The following CDH12 variants were observed in gnomAD, a reference collection of about 807,000 sequenced individuals.
The protein encoded by CDH12 is cadherin-12.
In CDH12, 41 loss-of-function variants were observed where a neutral mutation model predicts 74.1. The ratio of observed to expected loss-of-function variants is 0.55; its 90% CI spans 0.43 to 0.72. The LOEUF (loss-of-function observed/expected upper bound fraction) is 0.72, where lower values mean the gene tolerates loss of function less well. Among genes scored for constraint, CDH12 ranks in the 30% least tolerant of loss-of-function variants. The pLI, the probability that CDH12 is intolerant of heterozygous loss-of-function variation, is 0.00. For synonymous variants in CDH12, 399 were observed against 355.0 expected (o/e 1.12, Z -1.39); for missense variants, 945 against 977.2 (o/e 0.97, Z 0.44).
At position 22,158,404 on chromosome 5, in the gene CDH12, G is replaced by T. The variant is rs77013237; in HGVS notation, c.-187+54094C>A. 1.1e-3 allele frequency among the ~76,000 whole-genome samples: 166 copies of T among 152,110 alleles called. 1 individual carries two copies. In the East Asian group the frequency reaches 0.029, roughly 26 times the overall value. On this transcript the variant is annotated intron_variant, in intron 4 of 14. Coordinates refer to ENST00000382254, the MANE Select transcript of CDH12 (RefSeq NM_004061.5). ...GCACTTATCACAAGTCAGTTGTCTT[G>T]TTAAGTGATGCAGAAGCATTTTCTA...
At chr5:22,526,520 T>C (rs746525607) in intron 1 of CDH12, among the ~76,000 whole-genome samples, 1 of 152,172 alleles carries the variant, frequency 6.6e-6, no homozygotes, top group African/African-American at 2.4e-5. Flanking sequence ...GCCAGATCAA[T>C]AGCTGCATGT....
chr5:22,625,354 AAG>A (rs1305627927), intron 1 of CDH12, among the ~76,000 whole-genome samples: 1 of 152,186 alleles, frequency 6.6e-6, no homozygotes, highest in African/African-American at 2.4e-5. Flanking sequence ...AAAAAAAAGA[AAG>A]AGGCAAGTTG....
chr5:22,648,615 A>G (rs1192124843), intron 1 of CDH12, among the ~76,000 whole-genome samples: 1 of 151,882 alleles, frequency 6.6e-6, no homozygotes, highest in East Asian at 1.9e-4. Flanking sequence ...TAAAACTTAA[A>G]AGTTAAATAT....
intron 1 of CDH12, among the ~76,000 whole-genome samples, chr5:22,715,749 C>A (rs1025328313): frequency 2.0e-5 from 3 of 148,078 alleles, no homozygotes; most frequent in African/African-American, 7.5e-5. Flanking sequence ...TGTAGTGAAC[C>A]AAGATCGCGC....
At chr5:22,320,660 G>T (rs892866925) in intron 3 of CDH12, among the ~76,000 whole-genome samples, 1 of 152,190 alleles carries the variant, frequency 6.6e-6, no homozygotes, top group African/African-American at 2.4e-5. Context: ...ATCAGAAAGA[G>T]ACTTGAGATT....
intron 1 of CDH12, among the ~76,000 whole-genome samples, chr5:22,625,281 T>C (rs1194308017): frequency 1.3e-5 from 2 of 152,018 alleles, no homozygotes; most frequent in East Asian, 3.9e-4. Flanking sequence ...ATTGTGCACA[T>C]GTACCCTAGA....
chr5:22,496,605 G>A (rs527538152), intron 2 of CDH12, among the ~76,000 whole-genome samples: 8 of 151,878 alleles, frequency 5.3e-5, no homozygotes, highest in South Asian at 4.2e-4. Context: ...TTTTGTTTTC[G>A]TAGCTCTCAT....
At chr5:22,425,168 TATAA>T (rs57854464) in intron 2 of CDH12, among the ~76,000 whole-genome samples, 2,631 of 118,486 alleles carry the variant, frequency 0.022, 64 homozygotes, top group East Asian at 0.14. Flanking sequence ...TATATATATA[TATAA>T]ATATATATAT....
At chr5:22,599,442 C>T (rs1284251809) in intron 1 of CDH12, among the ~76,000 whole-genome samples, 2 of 152,088 alleles carry the variant, frequency 1.3e-5, no homozygotes, top group Non-Finnish European at 2.9e-5. Flanking sequence ...TGGCCACTGC[C>T]CCAGTGCATT....
At chr5:21,764,190 T>C (rs932321707) in intron 12 of CDH12, among the ~76,000 whole-genome samples, 46 of 152,008 alleles carry the variant, frequency 3.0e-4, no homozygotes, top group Admixed American at 2.8e-3. Flanking sequence ...CTGGCTAACA[T>C]GGTGAAACCC....
intron 1 of CDH12, among the ~76,000 whole-genome samples, chr5:22,668,180 G>GTC (rs1740716649): frequency 6.6e-6 from 1 of 151,944 alleles, no homozygotes; most frequent in Admixed American, 6.5e-5. Flanking sequence ...ATAGAAAAAG[G>GTC]AAATCTTCTA....
intron 2 of CDH12, among the ~76,000 whole-genome samples, chr5:22,436,567 G>C (rs1744403475): frequency 6.6e-6 from 1 of 151,928 alleles, no homozygotes; most frequent in Non-Finnish European, 1.5e-5. Context: ...GGCTCTGCAT[G>C]AATTATTCTT....
At chr5:21,974,562 T>G (rs1372583123) in intron 6 of CDH12, among the ~76,000 whole-genome samples, 4 of 152,156 alleles carry the variant, frequency 2.6e-5, no homozygotes, top group Admixed American at 2.0e-4. Context: ...ATTTGCTGCT[T>G]GGCTTGATGG....
At chr5:21,764,651 G>GAAAAAAAAAAAAA (rs369895363) in intron 12 of CDH12, among the ~76,000 whole-genome samples, 4 of 110,052 alleles carry the variant, frequency 3.6e-5, no homozygotes, top group African/African-American at 7.7e-5. Flanking sequence ...TTCATATCAA[G>GAAAAAAAAAAAAA]AAAAAAAAAA....
At chr5:22,580,040 T>C (rs1405797122) in intron 1 of CDH12, among the ~76,000 whole-genome samples, 1 of 152,144 alleles carries the variant, frequency 6.6e-6, no homozygotes, top group Non-Finnish European at 1.5e-5. Context: ...CATTTAATGA[T>C]ATCACCTTTT....
chr5:22,208,663 G>A (rs1031555133), intron 4 of CDH12, among the ~76,000 whole-genome samples: 38 of 152,148 alleles, frequency 2.5e-4, no homozygotes, highest in Non-Finnish European at 1.0e-4. Context: ...AGGCCACATG[G>A]TGGTCATTGG....
chr5:22,726,195 A>AT (rs1398160525), intron 1 of CDH12, among the ~76,000 whole-genome samples: 1 of 151,752 alleles, frequency 6.6e-6, no homozygotes, highest in Non-Finnish European at 1.5e-5. Context: ...TTCTCCATGT[A>AT]TTCATTCATC....
intron 1 of CDH12, among the ~76,000 whole-genome samples, chr5:22,771,029 G>T (rs1268404316): frequency 6.6e-6 from 1 of 152,022 alleles, no homozygotes; most frequent in Non-Finnish European, 1.5e-5. Context: ...CATAGTAAAT[G>T]ATAATACAAT....
Position 21,796,203 on chromosome 5 carries a change from T to A in CDH12, c.1256+5964A>T, listed in dbSNP as rs542446650. On this transcript the variant is annotated intron_variant, in intron 10 of 14. Coordinates refer to ENST00000382254, the MANE Select transcript of CDH12 (RefSeq NM_004061.5). Reference sequence around the variant, plus strand: ...AACCCATCATAAGTTGAAAATACCTTGAGTTGAAAATGCATCTAAGACACT... The same window carrying A: ...AACCCATCATAAGTTGAAAATACCTAGAGTTGAAAATGCATCTAAGACACT... 2.8e-4 allele frequency among the ~76,000 whole-genome samples: 42 copies of A among 152,150 alleles called. 1 individual carries two copies. In the South Asian group the frequency reaches 8.3e-3, roughly 30 times the overall value.
Sources: gnomAD v4.1 joint callset for allele counts (sites outside exome capture counted in the v4.1 genomes callset) on GRCh38, gnomAD v4.1.1 for gene constraint, MANE v1.5 for transcripts, NCBI Gene and HGNC (gene_info 2026-07-23, HGNC 2026-07-21) for gene names.